SCAF8: variants seen among roughly 807,000 people sequenced by gnomAD.
The protein encoded by SCAF8 is SR-related CTD associated factor 8.
SCAF8 carries 23 observed loss-of-function variants against 140.5 expected under a neutral mutation model. That is an observed-to-expected ratio of 0.16 (90% CI 0.12 to 0.23). The LOEUF is 0.23. SCAF8 is among the 10% of genes least tolerant of loss of function. The pLI is 1.00. For synonymous variants in SCAF8, 575 were observed against 528.9 expected (o/e 1.09, Z -1.20); for missense variants, 1,397 against 1,555.7 (o/e 0.90, Z 1.72).
At chr6:154,822,134 A>C in intron 15 of SCAF8, 142 bp from the exon 16 acceptor site, 1 of 750,100 alleles carries the variant, frequency 1.3e-6, no homozygotes, top group African/African-American at 1.8e-5. Context: ...GCAGAAATCT[A>C]GAGTGGCACC....
intron 14 of SCAF8, among the ~76,000 whole-genome samples, chr6:154,818,940 C>T (rs907187970): frequency 1.5e-4 from 23 of 152,214 alleles, no homozygotes; most frequent in African/African-American, 5.3e-4. Context: ...ATTCACTTTT[C>T]CTCCCAGTAC....
chr6:154,812,538 T>G (rs1778127255), intron 12 of SCAF8, among the ~76,000 whole-genome samples: 1 of 152,114 alleles, frequency 6.6e-6, no homozygotes, highest in Non-Finnish European at 1.5e-5. Context: ...TAATCTCTGA[T>G]TGTTTACCTC....
At chr6:154,742,426 AGAATT>A (rs1449711568) in intron 1 of SCAF8, among the ~76,000 whole-genome samples, 2 of 152,204 alleles carry the variant, frequency 1.3e-5, no homozygotes, top group African/African-American at 4.8e-5. Context: ...ATAGGAATAA[AGAATT>A]GAATTTTTGA....
At position 154,832,158 on chromosome 6, in the gene SCAF8, C is replaced by T; in HGVS notation, c.2579C>T (p.Pro860Leu). ...TCTGGAATATTGGGAATACAGCCAC[C>T]CAGTGTGTCAAATAGTTCTGGACTT... is the stretch of plus-strand genomic sequence containing the variant. ...NNSGILGIQP[P>L]SVSNSSGLLG... is the part of the protein sequence containing the mutation. Residue 860 changes from proline (P) to leucine (L), a missense_variant, in exon 20 of 20, where the codon CCC becomes CTC. Coordinates refer to ENST00000367178, the MANE Select transcript of SCAF8 (RefSeq NM_014892.5). 6.2e-7 allele frequency: 1 copy of T among 1,614,028 alleles called. No individual in the cohort carries two copies. The highest frequency in any genetic ancestry group is 8.5e-7 in the Non-Finnish European group (1 of 1,179,984).
Position 154,733,630 on chromosome 6 carries a change from C to T in SCAF8, c.-271C>T, listed in dbSNP as rs1029325300. ...AAGGCGCCGCGGCCCAGCCCCTCCC[C>T]CGCCCGCCGCCGACCCGCCCCGGCA... On this transcript the variant is annotated 5_prime_UTR_variant, in exon 1 of 20. Transcript: ENST00000367178. The T allele has an allele frequency of 2.3e-6, 3 of 1,294,418 alleles. No homozygotes were observed. The highest frequency in any genetic ancestry group is 1.5e-5 in the African/African-American group (1 of 64,566). 80.2% of individuals were successfully genotyped at this position (1,294,418 alleles called of 1,614,324 possible).
Position 154,761,374 on chromosome 6 carries a change from G to A in SCAF8, c.31-12615G>A, listed in dbSNP as rs190985708. On this transcript the variant is annotated intron_variant, in intron 1 of 19. Coordinates refer to ENST00000367178, the MANE Select transcript of SCAF8 (RefSeq NM_014892.5). ...AGTGGCGGGTGCCCATAATCCCAGC[G>A]GCTCGGGAGGCTGAGGCAGGAGAAT... 5.3e-5 allele frequency among the ~76,000 whole-genome samples: 8 copies of A among 151,780 alleles called. No homozygotes were observed. In the East Asian group the frequency reaches 1.4e-3, roughly 26 times the overall value.
rs1471092658 is a variant in SCAF8 at position 154,831,923 on chromosome 6, C to T, written c.2360-16C>T. Reference sequence around the variant, plus strand: ...GACTGTTATTTTGAGTTTTTTCTCTCTCTCTTTTTTTTTAGTGATTCCAAA... The same window carrying T: ...GACTGTTATTTTGAGTTTTTTCTCTTTCTCTTTTTTTTTAGTGATTCCAAA... On this transcript the variant is annotated splice_polypyrimidine_tract_variant and intron_variant, in intron 19 of 19. Coordinates refer to ENST00000367178, the MANE Select transcript of SCAF8 (RefSeq NM_014892.5). The T allele has an allele frequency of 1.3e-6, 2 of 1,563,446 alleles. No individual in the cohort carries two copies. The highest frequency in any genetic ancestry group is 1.7e-6 in the Non-Finnish European group (2 of 1,160,330).
intron 17 of SCAF8, chr6:154,824,953 A>G (rs1463804206): frequency 1.3e-5 from 2 of 149,168 alleles, no homozygotes; most frequent in African/African-American, 2.6e-5. Flanking sequence ...TCAAAAAGAA[A>G]AAAAGGTGAA....
intron 1 of SCAF8, among the ~76,000 whole-genome samples, chr6:154,772,329 T>C (rs1266009123): frequency 3.3e-5 from 5 of 152,224 alleles, no homozygotes; most frequent in African/African-American, 7.2e-5. Flanking sequence ...TAATTGTCTG[T>C]TGCCTGATTC....
In SCAF8 at chr6:154,755,318, A is replaced by ATCTT. The variant is rs1485099702; in HGVS notation, c.31-18670_31-18667dup. The stretch of plus-strand genomic sequence containing the variant: ...GCCCACACTGGCATGCAGTGGTGTA[A>ATCTT]TCTTGGCTCACTGCAACCTCCACCT... On this transcript the variant is annotated intron_variant, in intron 1 of 19. Transcript: ENST00000367178. Among the ~76,000 whole-genome samples the ATCTT allele has an allele frequency of 2.0e-5, 3 of 152,152 alleles. No individual in the cohort carries two copies. The East Asian group carries it at 5.8e-4, about 29-fold the overall frequency.
chr6:154,802,894 G>T (rs559536108), intron 7 of SCAF8, among the ~76,000 whole-genome samples: 2 of 152,190 alleles, frequency 1.3e-5, no homozygotes, highest in African/African-American at 2.4e-5. Context: ...ATAAGTTGAT[G>T]CCTAAATTAT....
At chr6:154,762,427 A>G (rs1358514804) in intron 1 of SCAF8, among the ~76,000 whole-genome samples, 1 of 152,104 alleles carries the variant, frequency 6.6e-6, no homozygotes, top group Non-Finnish European at 1.5e-5. Flanking sequence ...CTCAGTTTCT[A>G]GTGGCTACCC....
intron 1 of SCAF8, among the ~76,000 whole-genome samples, chr6:154,751,212 C>A (rs1198589991): frequency 6.6e-6 from 1 of 151,982 alleles, no homozygotes; most frequent in East Asian, 1.9e-4. Flanking sequence ...CTTGCTTAAA[C>A]CTGATATCTA....
At position 154,832,674 on chromosome 6, in the gene SCAF8, C is replaced by G; in HGVS notation, c.3095C>G (p.Pro1032Arg). 1 of 1,614,042 alleles carries G rather than the reference C, an allele frequency of 6.2e-7. No homozygotes were observed. The highest frequency in any genetic ancestry group is 8.5e-7 in the Non-Finnish European group (1 of 1,179,976). The part of the protein sequence containing the change: ...ETRESISRPP[P>R]VDVRDVVGRP... ...AGGGAAAGCATTAGTAGACCTCCCC[C>G]TGTGGATGTTAGAGATGTGGTTGGG... The change falls in exon 20 of 20, where the codon CCT becomes CGT. Residue 1032 changes from proline to arginine, a missense_variant. Physicochemically the swap from Pro to Arg is moderately radical, Grantham distance 103 (BLOSUM62 -2). Transcript: ENST00000367178.
chr6:154,775,077 A>T (rs190479152), intron 2 of SCAF8, among the ~76,000 whole-genome samples: 107 of 152,338 alleles, frequency 7.0e-4, no homozygotes, highest in African/African-American at 2.6e-3. Context: ...TTTAAATAAC[A>T]GCAGTGTATT....
chr6:154,737,606 G>A (rs1454833524), intron 1 of SCAF8, among the ~76,000 whole-genome samples: 1 of 152,236 alleles, frequency 6.6e-6, no homozygotes, highest in African/African-American at 2.4e-5. Context: ...GGGGGCAGGT[G>A]CTGAGGTGGG....
At chr6:154,820,103 A>G in intron 14 of SCAF8, 74 bp from the exon 15 acceptor site, 1 of 1,214,174 alleles carries the variant, frequency 8.2e-7, no homozygotes, top group Non-Finnish European at 1.1e-6. Context: ...TTTAAATAAA[A>G]TTTTGAACTT....
intron 17 of SCAF8, among the ~76,000 whole-genome samples, chr6:154,825,539 G>T (rs1354877378): frequency 6.7e-6 from 1 of 150,006 alleles, no homozygotes; most frequent in Admixed American, 6.7e-5. Flanking sequence ...CAGGTGAGGT[G>T]GTACACACCT....
At chr6:154,759,455 C>G (rs976222344) in intron 1 of SCAF8, among the ~76,000 whole-genome samples, 5 of 152,010 alleles carry the variant, frequency 3.3e-5, no homozygotes, top group Non-Finnish European at 4.4e-5. Flanking sequence ...TAATGTTAAT[C>G]CTAGACAGTT....
Sources: gnomAD v4.1 joint callset for allele counts (sites outside exome capture counted in the v4.1 genomes callset) on GRCh38, gnomAD v4.1.1 for gene constraint, MANE v1.5 for transcripts, NCBI Gene and HGNC (gene_info 2026-07-23, HGNC 2026-07-21) for gene names.